CEP72: variants seen among roughly 807,000 people sequenced by gnomAD.
The protein encoded by CEP72 is centrosomal protein 72.
A neutral mutation model predicts 65.7 loss-of-function variants in CEP72; 78 were observed. That is an observed-to-expected ratio of 1.19 (90% CI 0.99 to 1.43). The LOEUF (loss-of-function observed/expected upper bound fraction) is 1.43. Among genes scored for constraint, CEP72 ranks in the 40% most tolerant of loss-of-function variants. The probability of loss-of-function intolerance (pLI) is 0.00; values close to 1 mark genes in which losing one functional copy is unlikely to be tolerated. For synonymous variants in CEP72, 358 were observed against 351.7 expected (o/e 1.02, Z -0.20); for missense variants, 914 against 832.9 (o/e 1.10, Z -1.20).
At chr5:619,396 T>A (rs1476091010) in intron 2 of CEP72, among the ~76,000 whole-genome samples, 1 of 152,226 alleles carries the variant, frequency 6.6e-6, no homozygotes, top group Non-Finnish European at 1.5e-5. Flanking sequence ...GGCTGCCTCC[T>A]GGGCTCCTGG....
intron 7 of CEP72, among the ~76,000 whole-genome samples, chr5:638,165 C>T (rs535593550): frequency 6.6e-6 from 1 of 152,326 alleles, no homozygotes; most frequent in East Asian, 1.9e-4. Context: ...TGAGTGGAAG[C>T]CCCGTGGTGG....
intron 4 of CEP72, among the ~76,000 whole-genome samples, chr5:633,117 G>A (rs1222491218): frequency 2.5e-5 from 2 of 80,014 alleles, no homozygotes; most frequent in Non-Finnish European, 4.5e-5. Context: ...GTCCAGTGCC[G>A]GGATTTAGAC....
chr5:643,670 G>A, intron 9 of CEP72: 1 of 985,372 alleles, frequency 1.0e-6, no homozygotes, highest in Non-Finnish European at 1.2e-6. Context: ...CAGCAGCCAG[G>A]TGAGACGGGA....
intron 4 of CEP72, among the ~76,000 whole-genome samples, chr5:629,619 C>T (rs1443475850): frequency 8.8e-4 from 88 of 99,722 alleles, no homozygotes; most frequent in African/African-American, 3.6e-3. Flanking sequence ...GGGATTTGGC[C>T]CAGTCCTGGT....
downstream of CEP72, among the ~76,000 whole-genome samples, chr5:655,232 A>T (rs1001266131): frequency 2.6e-5 from 4 of 151,848 alleles, no homozygotes; most frequent in African/African-American, 4.8e-5. The surrounding 1 kb of genome is among the most constrained non-coding windows in gnomAD (Gnocchi z 5.0). Flanking sequence ...GGTGGTGGGC[A>T]CCTGTAGTCC....
At chr5:656,913 T>G (rs1342713040), downstream of CEP72, 2 of 152,224 alleles carry the variant, frequency 1.3e-5, no homozygotes, top group African/African-American at 2.4e-5. Context: ...TGGATTTTTT[T>G]TGCTTGTTTT....
intron 4 of CEP72, among the ~76,000 whole-genome samples, chr5:633,035 T>C (rs374110586): frequency 5.2e-5 from 3 of 57,608 alleles, no homozygotes; most frequent in East Asian, 4.3e-4. Context: ...TTCTGTCCAG[T>C]GCCGGGATTT....
rs1476563280 is a variant in CEP72, at chr5:623,143, G to A, written c.404-1328G>A. On this transcript the variant is annotated intron_variant, in intron 3 of 11. Coordinates refer to ENST00000264935, the MANE Select transcript of CEP72 (RefSeq NM_018140.4). This position sits in a 1 kb window ranked among gnomAD's most constrained non-coding sequence, Gnocchi z 5.3. Reference sequence around the variant, plus strand: ...TGCAGAGAGTTTCTGCAGAGAAGGAGCGCAGCCGTCTCCCTCTTAGTGTTT... The same window carrying A: ...TGCAGAGAGTTTCTGCAGAGAAGGAACGCAGCCGTCTCCCTCTTAGTGTTT... 1.3e-5 allele frequency among the ~76,000 whole-genome samples: 2 copies of A among 151,946 alleles called. No homozygotes were observed. Among genetic ancestry groups the A allele is most frequent in the Non-Finnish European group, 2.9e-5 (2 of 67,986 alleles).
In CEP72 at chr5:615,289, T is replaced by C. The variant is rs549373530; in HGVS notation, c.82+2846T>C. 1.4e-3 allele frequency among the ~76,000 whole-genome samples: 210 copies of C among 152,114 alleles called. 2 individuals are homozygous for C. The highest frequency in any genetic ancestry group is 4.8e-3 in the African/African-American group (200 of 41,508). On this transcript the variant is annotated intron_variant, in intron 1 of 11. Transcript: ENST00000264935. ...TAGCTGGGATTACAGGCGCCTGCCA[T>C]CACGCCTGCCTAATTTTTGTATTTT...
intron 1 of CEP72, 33 bp downstream of exon 1, chr5:612,476 G>A: frequency 7.2e-7 from 1 of 1,396,644 alleles, no homozygotes; most frequent in East Asian, 3.1e-5. Flanking sequence ...GTGCAAGCGT[G>A]AGGTGGCGGG....
chr5:661,787 C>A (rs1481898612), downstream of CEP72: 1 of 152,412 alleles, frequency 6.6e-6, no homozygotes, highest in Non-Finnish European at 1.5e-5. Flanking sequence ...TTTGCTACCC[C>A]TCCTGGCTAG....
At position 649,260 on chromosome 5, in the gene CEP72, A is replaced by G. The variant is rs1183555009; in HGVS notation, c.1778+1344A>G. On this transcript the variant is annotated intron_variant, in intron 11 of 11. Coordinates refer to ENST00000264935, the MANE Select transcript of CEP72 (RefSeq NM_018140.4). ...GTGTGACTGTGAGGTGTGGACTGTG[A>G]GGTGTGACTGTGAGGTGTGACTGTG... Among the ~76,000 whole-genome samples the G allele has an allele frequency of 6.4e-5, 5 of 78,466 alleles. No individual in the cohort carries two copies. In the East Asian group the frequency reaches 2.3e-3, roughly 36 times the overall value. 51.5% of individuals were successfully genotyped at this position (78,466 alleles called of 152,430 possible).
At chr5:675,565 CTGGGGGTGCGGTGTGG>C in the CEP72 span, among the ~76,000 whole-genome samples, 1 of 92,734 alleles carries the variant, frequency 1.1e-5, no homozygotes, top group East Asian at 2.7e-4. Context: ...TGCAGTGTGG[CTGGGGGTGCGGTGTGG>C]CCAGGGGTGC....
In CEP72 at chr5:639,160, C is replaced by G; in HGVS notation, c.1278C>G (p.Leu426=). The change falls in exon 8 of 12, where the codon CTC becomes CTG. Residue 426 remains leucine (L), a synonymous_variant. Coordinates refer to ENST00000264935, the MANE Select transcript of CEP72 (RefSeq NM_018140.4). ...TALQAALLET[L]LDLVDRSWGG... ...TGCAGGCGGCGCTCCTGGAGACGCT[C>G]TTGGACCTGGTGGACAGGAGCTGGG... 1 of 1,611,786 alleles carries G rather than the reference C, an allele frequency of 6.2e-7. No homozygotes were observed. The highest frequency in any genetic ancestry group is 1.7e-5 in the Admixed American group (1 of 59,918).
At chr5:618,158 C>T (rs1465945013) in intron 1 of CEP72, among the ~76,000 whole-genome samples, 1 of 152,056 alleles carries the variant, frequency 6.6e-6, no homozygotes, top group Admixed American at 6.6e-5. Context: ...AGGGGTGTTC[C>T]TGGGGAGAGA....
In CEP72 at chr5:637,521, C is replaced by A. The variant is rs778296896; in HGVS notation, c.909C>A (p.Ser303=). The A allele has an allele frequency of 1.7e-5, 27 of 1,612,142 alleles. No individual in the cohort carries two copies. The highest frequency in any genetic ancestry group is 2.2e-5 in the Non-Finnish European group (26 of 1,178,880). Residue 303 remains serine (S), a synonymous_variant, in exon 7 of 12, where the codon TCC becomes TCA. Transcript: ENST00000264935. ...CCCATCCTCTCTATATCTCAGACTC[C>A]ATGGATACCGAGGACTCGGCCTCTT... ...PHTYFTPHPD[S]MDTEDSASSQ... is the part of the protein sequence containing the mutation.
chr5:642,387 C>T (rs1047239590), intron 9 of CEP72: 1 of 984,676 alleles, frequency 1.0e-6, no homozygotes, highest in African/African-American at 1.8e-5. Flanking sequence ...ACACGTGTGG[C>T]CCCCCGTCTG....
At chr5:647,597 G>C (rs1738506490) in intron 10 of CEP72, among the ~76,000 whole-genome samples, 1 of 152,220 alleles carries the variant, frequency 6.6e-6, no homozygotes, top group Non-Finnish European at 1.5e-5. Flanking sequence ...GCTGCAGCCT[G>C]GGGAGGGCCC....
intron 9 of CEP72, chr5:642,643 C>G (rs1168206079): frequency 1.0e-6 from 1 of 985,312 alleles, no homozygotes; most frequent in Admixed American, 6.1e-5. Flanking sequence ...TTTGCCTAAC[C>G]CCTGCAGTTT....
Sources: allele counts gnomAD v4.1 joint callset (sites outside exome capture counted in the v4.1 genomes callset), GRCh38; gene constraint gnomAD v4.1.1; non-coding constraint Gnocchi (gnomAD v3.1); transcripts MANE v1.5; gene names NCBI Gene and HGNC (gene_info 2026-07-23, HGNC 2026-07-21).